Variants in ANKFN1 observed in about 807,000 individuals in gnomAD.
ANKFN1 encodes the protein ankyrin repeat and fibronectin type-III domain-containing protein 1.
In ANKFN1, 74 loss-of-function variants were observed where a neutral mutation model predicts 108.7. The observed-to-expected ratio is 0.68, with a 90% CI of 0.56 to 0.83. ANKFN1 has a LOEUF of 0.83. ANKFN1 is among the 40% of genes least tolerant of loss of function. The probability of loss-of-function intolerance (pLI) is 0.00; values close to 1 mark genes in which losing one functional copy is unlikely to be tolerated. For missense variants in ANKFN1, 1,505 were observed against 1,382.3 expected (o/e 1.09, Z -1.41); for synonymous variants, 547 against 516.2 (o/e 1.06, Z -0.81).
intron 4 of ANKFN1, among the ~76,000 whole-genome samples, chr17:56,133,742 TGGCTGA>T (rs1441777810): frequency 6.6e-6 from 1 of 152,146 alleles, no homozygotes; most frequent in East Asian, 1.9e-4. Flanking sequence ...TCTGTAGTTC[TGGCTGA>T]ACTGTACTAT....
chr17:56,258,840 G>A (rs2043428169), intron 3 of ANKFN1, among the ~76,000 whole-genome samples: 1 of 152,260 alleles, frequency 6.6e-6, no homozygotes, highest in South Asian at 2.1e-4. Flanking sequence ...GAACCCGGGA[G>A]GCGGAGCTTG....
intron 1 of ANKFN1, among the ~76,000 whole-genome samples, chr17:56,159,033 CAAAAAAAAA>C (rs57878541): frequency 4.2e-5 from 3 of 71,016 alleles, no homozygotes; most frequent in Non-Finnish European, 7.6e-5. Flanking sequence ...TGGTCTAGGC[CAAAAAAAAA>C]AAAAAAAAAA....
At chr17:56,368,353 C>T (rs895100442) in intron 6 of ANKFN1, 2 of 233,004 alleles carry the variant, frequency 8.6e-6, no homozygotes, top group African/African-American at 5.4e-5. Flanking sequence ...GATCTTGGCT[C>T]ACTGCAACCT....
intron 3 of ANKFN1, among the ~76,000 whole-genome samples, chr17:56,288,431 T>C (rs4048444): frequency 0.067 from 10,232 of 152,138 alleles, 873 homozygotes; most frequent in African/African-American, 0.2. Flanking sequence ...CTTTTATCTG[T>C]TATGCTGGAT....
chr17:56,477,441 C>T (rs534391006), intron 15 of ANKFN1, 47 bp from the exon 16 acceptor site: 5 of 1,486,000 alleles, frequency 3.4e-6, no homozygotes, highest in East Asian at 4.8e-5. Context: ...GATTGCCCTT[C>T]GAGTTGTTTT....
At chr17:56,189,333 GC>G in intron 1 of ANKFN1, among the ~76,000 whole-genome samples, 1 of 148,748 alleles carries the variant, frequency 6.7e-6, no homozygotes. Context: ...ACTACGCCTG[GC>G]TAATTTTTTG....
chr17:56,356,767 G>A (rs1323789186), intron 6 of ANKFN1, among the ~76,000 whole-genome samples: 1 of 152,176 alleles, frequency 6.6e-6, no homozygotes, highest in Non-Finnish European at 1.5e-5. Context: ...GAAGGGTGGA[G>A]AGAGAATCAG....
intron 4 of ANKFN1, among the ~76,000 whole-genome samples, chr17:56,118,563 TTTA>T (rs1442502413): frequency 6.6e-6 from 1 of 152,148 alleles, no homozygotes; most frequent in Non-Finnish European, 1.5e-5. Context: ...ATACATAGCA[TTTA>T]TTAAGGACTT....
At chr17:56,296,999 G>T (rs1232936898) in intron 3 of ANKFN1, among the ~76,000 whole-genome samples, 1 of 152,234 alleles carries the variant, frequency 6.6e-6, no homozygotes, top group African/African-American at 2.4e-5. Context: ...AGTGTCCAAA[G>T]AATCCTTCCT....
At chr17:56,438,953 G>A (rs1228894293) in intron 8 of ANKFN1, among the ~76,000 whole-genome samples, 1 of 152,162 alleles carries the variant, frequency 6.6e-6, no homozygotes. Flanking sequence ...GAAAGAGGCA[G>A]TTAATGCAAA....
At chr17:56,430,076 T>C (rs2048702686) in intron 8 of ANKFN1, among the ~76,000 whole-genome samples, 1 of 152,060 alleles carries the variant, frequency 6.6e-6, no homozygotes, top group African/African-American at 2.4e-5. Context: ...CATTTTGATG[T>C]TGGAAAATAT....
chr17:56,286,001 T>C (rs1176063676), intron 3 of ANKFN1, among the ~76,000 whole-genome samples: 3 of 152,094 alleles, frequency 2.0e-5, no homozygotes, highest in African/African-American at 7.2e-5. Flanking sequence ...TATACCCCCT[T>C]TCACTTTCAA....
chr17:56,316,447 C>G (rs1234353260), intron 3 of ANKFN1, among the ~76,000 whole-genome samples: 2 of 152,036 alleles, frequency 1.3e-5, no homozygotes, highest in Admixed American at 1.3e-4. Context: ...GCCACCCACT[C>G]AAGTATCATC....
At chr17:56,350,070 G>A (rs889386762) in intron 4 of ANKFN1, among the ~76,000 whole-genome samples, 6 of 152,178 alleles carry the variant, frequency 3.9e-5, no homozygotes, top group East Asian at 1.9e-4. Context: ...TGAGGACCTC[G>A]TTAGAGATTT....
chr17:56,177,394 G>A lies in ANKFN1; in HGVS notation c.-71+23864G>A, dbSNP rs77493446. ...AATGCCCATTTTCCATGATGCATAT[G>A]TGTGATGTGAAAAATCATCTCACCT... is the stretch of plus-strand genomic sequence containing the variant. On this transcript the variant is annotated intron_variant, in intron 1 of 20. Coordinates refer to ENST00000682825, the MANE Select transcript of ANKFN1 (RefSeq NM_001370326.1). 8.9e-3 allele frequency among the ~76,000 whole-genome samples: 1,359 copies of A among 152,304 alleles called. 75 individuals carry two copies. In the East Asian group the frequency reaches 0.16, roughly 18 times the overall value.
intron 9 of ANKFN1, 123 bp from the exon 10 acceptor site, chr17:56,442,720 G>A: frequency 1.3e-6 from 1 of 787,674 alleles, no homozygotes; most frequent in Admixed American, 2.8e-5. Context: ...CTGTTGCATG[G>A]GCAACAGAGT....
chr17:56,484,023 G>A (rs1352112218), intron 18 of ANKFN1, among the ~76,000 whole-genome samples: 2 of 152,210 alleles, frequency 1.3e-5, no homozygotes, highest in Non-Finnish European at 2.9e-5. Flanking sequence ...CCTTCATGGA[G>A]GGAAGGGTAT....
intron 1 of ANKFN1, among the ~76,000 whole-genome samples, chr17:56,161,632 G>A (rs756283815): frequency 2.0e-5 from 3 of 152,094 alleles, no homozygotes; most frequent in Non-Finnish European, 2.9e-5. Context: ...CTAACATAAT[G>A]TGTGACACGT....
chr17:56,188,436 AAAT>A lies in ANKFN1; in HGVS notation c.-70-24156_-70-24154del, dbSNP rs199860042. 4.6e-3 allele frequency among the ~76,000 whole-genome samples: 702 copies of A among 151,192 alleles called. 24 individuals carry two copies. Among genetic ancestry groups the A allele is most frequent in the Admixed American group, 0.039 (597 of 15,194 alleles). On this transcript the variant is annotated intron_variant, in intron 1 of 20. Transcript: ENST00000682825. ...TTTCAGCTTCTAGAGGCTGCTTATG[AAAT>A]AATAAGAGATAATAATTATTTTAAG...
Sources: gnomAD v4.1 joint callset for allele counts (sites outside exome capture counted in the v4.1 genomes callset) on GRCh38, gnomAD v4.1.1 for gene constraint, MANE v1.5 for transcripts, NCBI Gene and HGNC (gene_info 2026-07-23, HGNC 2026-07-21) for gene names.